Variants in UGGT2 observed in about 807,000 individuals in gnomAD.
The protein encoded by UGGT2 is UDP-glucose glycoprotein glucosyltransferase 2, also known as UDP-glucose:glycoprotein glucosyltransferase 2.
Under a neutral mutation model 192.1 loss-of-function variants are expected in UGGT2, and 180 were observed. That is an observed-to-expected ratio of 0.94 (90% confidence interval 0.83 to 1.06). The LOEUF is 1.06. UGGT2 is among the 50% of genes least tolerant of loss of function. The pLI is 0.00. For synonymous variants in UGGT2, 580 were observed against 591.0 expected (o/e 0.98, Z 0.27); for missense variants, 1,849 against 1,795.7 (o/e 1.03, Z -0.54).
intron 38 of UGGT2, 123 bp downstream of exon 38, chr13:95,832,804 C>T (rs1397943511): frequency 7.0e-7 from 1 of 1,425,566 alleles, no homozygotes; most frequent in East Asian, 2.4e-5. Context: ...TAAATTATGC[C>T]ACAGACTTTC....
Position 95,862,347 on chromosome 13 carries a change from A to C in UGGT2, c.3644+1282T>G, listed in dbSNP as rs187677639. ...TTCTTATCTTTGATCAAAATGATTA[A>C]TGGTTTTCCATCATAGCTCACATTG... On this transcript the variant is annotated intron_variant, in intron 31 of 38. Transcript: ENST00000376747. Among the ~76,000 whole-genome samples the C allele has an allele frequency of 7.9e-5, 12 of 152,330 alleles. No homozygotes were observed. The East Asian group carries it at 2.1e-3, about 27-fold the overall frequency.
chr13:95,875,053 G>C (rs978597748), intron 29 of UGGT2, among the ~76,000 whole-genome samples: 6 of 152,050 alleles, frequency 3.9e-5, no homozygotes, highest in Non-Finnish European at 8.8e-5. Flanking sequence ...TACCATTCTA[G>C]ATACCCAATG....
intron 5 of UGGT2, among the ~76,000 whole-genome samples, chr13:96,003,043 C>T (rs186834891): frequency 4.6e-5 from 7 of 152,192 alleles, no homozygotes; most frequent in Admixed American, 1.3e-4. Context: ...ATGACGTGCA[C>T]GTGAGACTCC....
intron 38 of UGGT2, among the ~76,000 whole-genome samples, chr13:95,807,495 TA>T (rs1331725854): frequency 2.0e-5 from 3 of 152,304 alleles, no homozygotes; most frequent in Non-Finnish European, 2.9e-5. Context: ...ATCCATGTCA[TA>T]AAAAGCAAAA....
intron 17 of UGGT2, among the ~76,000 whole-genome samples, chr13:95,932,961 G>T (rs2049338435): frequency 6.6e-6 from 1 of 152,072 alleles, no homozygotes; most frequent in African/African-American, 2.4e-5. Context: ...TTAATTTTTT[G>T]ATATGCTGCT....
chr13:96,012,261 C>T (rs550974669), intron 5 of UGGT2, among the ~76,000 whole-genome samples: 80 of 152,082 alleles, frequency 5.3e-4, no homozygotes, highest in Non-Finnish European at 9.3e-4. Flanking sequence ...AATTATATCT[C>T]TACCCCGTAG....
chr13:96,052,472 G>GA (rs111472012), intron 1 of UGGT2, among the ~76,000 whole-genome samples: 4,787 of 142,238 alleles, frequency 0.034, 83 homozygotes, highest in Non-Finnish European at 0.036. Context: ...CTATAGAAAT[G>GA]AAAAAAAAAA....
At chr13:96,035,220 T>C (rs1020271906) in intron 1 of UGGT2, among the ~76,000 whole-genome samples, 2 of 152,084 alleles carry the variant, frequency 1.3e-5, no homozygotes, top group South Asian at 2.1e-4. Context: ...GACATACACA[T>C]AGATCAATGG....
intron 38 of UGGT2, among the ~76,000 whole-genome samples, chr13:95,824,682 T>G (rs569220686): frequency 6.6e-6 from 1 of 152,242 alleles, no homozygotes; most frequent in Admixed American, 6.5e-5. Flanking sequence ...TTCATTCATA[T>G]CCTGAATTTT....
At chr13:95,928,371 G>T (rs55822301) in intron 17 of UGGT2, among the ~76,000 whole-genome samples, 35 of 115,686 alleles carry the variant, frequency 3.0e-4, no homozygotes, top group East Asian at 2.5e-3. Flanking sequence ...GACGGCTGCC[G>T]GGCGGAGACG....
At chr13:95,952,810 T>C (rs1397272323) in intron 12 of UGGT2, among the ~76,000 whole-genome samples, 2 of 152,204 alleles carry the variant, frequency 1.3e-5, no homozygotes, top group Non-Finnish European at 2.9e-5. Flanking sequence ...AGGCTACTCT[T>C]GGCAGTTAAA....
chr13:95,856,117 A>C, intron 34 of UGGT2, 41 bp downstream of exon 34: 1 of 1,498,786 alleles, frequency 6.7e-7, no homozygotes, highest in Non-Finnish European at 9.1e-7. Context: ...AAGTGTAAAA[A>C]ATGTTTGCGT....
Position 95,900,740 on chromosome 13 carries a change from A to G in UGGT2, c.2634+67T>C, listed in dbSNP as rs144322252. On this transcript the variant is annotated intron_variant, in intron 22 of 38. Coordinates refer to ENST00000376747, the MANE Select transcript of UGGT2 (RefSeq NM_020121.4). ...TCAGTCACATCAGGGGAATTGTGAC[A>G]GAAAAAAGGCAGACCAGTGCACTGC... 1.3e-4 allele frequency: 198 copies of G among 1,480,702 alleles called. No individual in the cohort carries two copies. In the African/African-American group the frequency reaches 2.6e-3, roughly 19 times the overall value. The allele number at this position is 1,480,702 out of a possible 1,614,324, so 91.7% of individuals were successfully genotyped here. A position where few individuals can be genotyped will look rare whatever the true frequency, so the allele number is the denominator to read the frequency against.
At chr13:96,052,879 C>G (rs1039999155) in intron 1 of UGGT2, among the ~76,000 whole-genome samples, 1 of 152,214 alleles carries the variant, frequency 6.6e-6, no homozygotes, top group Admixed American at 6.5e-5. Context: ...CGCGTAAATG[C>G]TAATACATCC....
intron 20 of UGGT2, among the ~76,000 whole-genome samples, chr13:95,910,779 A>C (rs971937985): frequency 2.0e-5 from 3 of 152,184 alleles, no homozygotes; most frequent in Non-Finnish European, 4.4e-5. Flanking sequence ...AATCAACAGA[A>C]TATACATTCT....
At chr13:95,923,943 A>C (rs1237981035) in intron 20 of UGGT2, among the ~76,000 whole-genome samples, 1 of 152,202 alleles carries the variant, frequency 6.6e-6, no homozygotes, top group African/African-American at 2.4e-5. Context: ...GTGATAAATA[A>C]CCAGAAAAAA....
At chr13:95,949,279 A>G in intron 13 of UGGT2, 56 bp downstream of exon 13, 2 of 1,369,166 alleles carry the variant, frequency 1.5e-6, no homozygotes, top group Non-Finnish European at 1.9e-6. Flanking sequence ...GATAATCCAG[A>G]AAGAATGCTG....
At chr13:96,019,898 C>T (rs908624934) in intron 4 of UGGT2, among the ~76,000 whole-genome samples, 1 of 152,192 alleles carries the variant, frequency 6.6e-6, no homozygotes, top group Admixed American at 6.6e-5. Flanking sequence ...GCAGAGGCAG[C>T]CCGAAGAGCC....
rs139689842 is a variant in UGGT2 at position 95,879,859 on chromosome 13, T to G, written c.3229-2003A>C. On this transcript the variant is annotated intron_variant, in intron 27 of 38. Transcript: ENST00000376747. ...TTAATTGTTGATACCAGACATAAAT[T>G]TAATACCTTTCAAATATAACCTTGA... Among the ~76,000 whole-genome samples, 483 of 152,360 alleles carry G rather than the reference T, an allele frequency of 3.2e-3. 3 individuals carry two copies. Among genetic ancestry groups the G allele is most frequent in the African/African-American group, 0.011 (461 of 41,594 alleles).
Sources: allele counts gnomAD v4.1 joint callset (sites outside exome capture counted in the v4.1 genomes callset), GRCh38; gene constraint gnomAD v4.1.1; transcripts MANE v1.5; gene names NCBI Gene and HGNC (gene_info 2026-07-23, HGNC 2026-07-21).